CFAP58: variants seen among roughly 807,000 people sequenced by gnomAD.
The protein encoded by CFAP58 is cilia- and flagella-associated protein 58.
Under a neutral mutation model 119.5 loss-of-function variants are expected in CFAP58, and 88 were observed. The ratio of observed to expected loss-of-function variants is 0.74; its 90% CI spans 0.62 to 0.88. The LOEUF (loss-of-function observed/expected upper bound fraction) is 0.88, where lower values mean the gene tolerates loss of function less well. Ranked by LOEUF, CFAP58 falls within the 40% of genes least tolerant of loss-of-function variation. The pLI, the probability that CFAP58 is intolerant of heterozygous loss-of-function variation, is 0.00. For synonymous variants in CFAP58, 365 were observed against 366.3 expected, an observed-to-expected ratio of 1.00 and a Z score of 0.04; for missense variants, 990 against 1,021.2, an observed-to-expected ratio of 0.97 and a Z score of 0.42.
chr10:104,422,994 T>G lies in CFAP58; in HGVS notation c.2256+16201T>G, dbSNP rs560218225. Among the ~76,000 whole-genome samples the G allele has an allele frequency of 1.2e-3, 186 of 152,370 alleles. 2 individuals carry two copies. The highest frequency in any genetic ancestry group is 4.1e-3 in the African/African-American group (172 of 41,596). On this transcript the variant is annotated intron_variant, in intron 15 of 17. Coordinates refer to ENST00000369704, the MANE Select transcript of CFAP58 (RefSeq NM_001008723.2). ...AAGTTTTATTTTAATTGACACATAA[T>G]AATTGTACTAAGATTTCTTTTTTTA...
chr10:104,357,947 A>G (rs1297954621), intron 1 of CFAP58, among the ~76,000 whole-genome samples: 1 of 77,204 alleles, frequency 1.3e-5, no homozygotes, highest in Non-Finnish European at 2.7e-5. Context: ...ATATATGTAC[A>G]CATATATACA....
In CFAP58 at chr10:104,400,795, A is replaced by T; in HGVS notation, c.1931A>T (p.Gln644Leu). 2 of 1,614,170 alleles carry T rather than the reference A, an allele frequency of 1.2e-6. No individual in the cohort carries two copies. The highest frequency in any genetic ancestry group is 1.7e-6 in the Non-Finnish European group (2 of 1,179,994). Residue 644 changes from glutamine to leucine, a missense_variant, in exon 13 of 18, where the codon CAG (glutamine) becomes CTG (leucine). Physicochemically the swap from Gln to Leu is moderately radical, Grantham distance 113. Coordinates refer to ENST00000369704, the MANE Select transcript of CFAP58 (RefSeq NM_001008723.2). ...QQSVLNKGES[Q>L]YNQRLEDMRI... ...TCTGTGCTGAATAAAGGGGAGAGCC[A>T]GTACAACCAGAGGTTGGAGGACATG...
At chr10:104,433,439 G>C (rs557736014) in intron 15 of CFAP58, among the ~76,000 whole-genome samples, 4 of 152,218 alleles carry the variant, frequency 2.6e-5, no homozygotes, top group African/African-American at 9.6e-5. Flanking sequence ...GGGTCTTGAA[G>C]GATGGGAATT....
At chr10:104,343,595 GACA>G in the CFAP58 span, among the ~76,000 whole-genome samples, 9 of 84,756 alleles carry the variant, frequency 1.1e-4, no homozygotes, top group African/African-American at 3.7e-4. Flanking sequence ...ATAATTGAAA[GACA>G]GTTTCCTTAA....
intron 15 of CFAP58, among the ~76,000 whole-genome samples, chr10:104,410,596 C>T (rs1026418182): frequency 3.9e-5 from 6 of 152,308 alleles, no homozygotes; most frequent in Middle Eastern, 3.4e-3. Flanking sequence ...GTCTGCTGTA[C>T]GTCTAATTGT....
chr10:104,451,901 T>TC (rs1448553033), intron 17 of CFAP58, among the ~76,000 whole-genome samples: 1 of 151,844 alleles, frequency 6.6e-6, no homozygotes, highest in Non-Finnish European at 1.5e-5. Context: ...GCTAATTTTT[T>TC]TTTTTTTTTG....
At chr10:104,376,398 G>C (rs2011662781) in intron 7 of CFAP58, among the ~76,000 whole-genome samples, 1 of 150,926 alleles carries the variant, frequency 6.6e-6, no homozygotes. Context: ...CCAGCTGCTC[G>C]AGAGGTTGAG....
intron 6 of CFAP58, among the ~76,000 whole-genome samples, chr10:104,369,957 A>G (rs1205635512): frequency 1.3e-5 from 2 of 152,166 alleles, no homozygotes; most frequent in African/African-American, 4.8e-5. Context: ...CTTTGCTAGG[A>G]TTATTTTTGG....
chr10:104,437,311 C>A (rs995304960), intron 15 of CFAP58, among the ~76,000 whole-genome samples: 1 of 152,200 alleles, frequency 6.6e-6, no homozygotes, highest in African/African-American at 2.4e-5. Context: ...TAGTCCAATT[C>A]TCTCAAATGT....
chr10:104,413,053 G>A (rs1589927198), intron 15 of CFAP58, among the ~76,000 whole-genome samples: 1 of 152,162 alleles, frequency 6.6e-6, no homozygotes, highest in Admixed American at 6.5e-5. Context: ...TATAAGCTTC[G>A]CAAAGGAGTT....
chr10:104,382,706 G>GT (rs891474595), intron 9 of CFAP58, among the ~76,000 whole-genome samples: 7 of 152,144 alleles, frequency 4.6e-5, no homozygotes, highest in Non-Finnish European at 7.4e-5. Flanking sequence ...TGAACTGTTG[G>GT]TTTTATAAGT....
In CFAP58 at chr10:104,357,856, T is replaced by C. The variant is rs1054027385; in HGVS notation, c.10-485T>C. On this transcript the variant is annotated intron_variant, in intron 1 of 17. Transcript: ENST00000369704. ...ATATGTACACATATGTACACATATA[T>C]ACACATATATACACATATATGTACA... is the stretch of plus-strand genomic sequence containing the variant. 4.2e-4 allele frequency among the ~76,000 whole-genome samples: 29 copies of C among 68,356 alleles called. 2 individuals carry two copies. Among genetic ancestry groups the C allele is most frequent in the Non-Finnish European group, 5.3e-4 (15 of 28,174 alleles). 44.8% of individuals were successfully genotyped at this position (68,356 alleles called of 152,430 possible). A position where few individuals can be genotyped will look rare whatever the true frequency, so the allele number is the denominator to read the frequency against.
chr10:104,364,694 A>T (rs975716679), intron 3 of CFAP58, 39 bp from the exon 4 acceptor site: 5 of 1,602,400 alleles, frequency 3.1e-6, no homozygotes, highest in East Asian at 2.2e-5. Flanking sequence ...CCCTGAGCAG[A>T]TGGCCATTTA....
chr10:104,401,480 C>CATTA (rs2012263857), intron 13 of CFAP58, among the ~76,000 whole-genome samples: 3 of 152,224 alleles, frequency 2.0e-5, no homozygotes, highest in Admixed American at 2.0e-4. Context: ...TTAAATCTTG[C>CATTA]ATTACACAAG....
intron 15 of CFAP58, among the ~76,000 whole-genome samples, chr10:104,434,482 T>C (rs929834799): frequency 3.3e-5 from 5 of 152,166 alleles, no homozygotes. Flanking sequence ...ATGAGCCCTT[T>C]TGGGACCACA....
At chr10:104,357,484 G>A (rs1039054901) in intron 1 of CFAP58, among the ~76,000 whole-genome samples, 6 of 152,064 alleles carry the variant, frequency 3.9e-5, no homozygotes, top group Admixed American at 1.3e-4. Flanking sequence ...TCAACACACC[G>A]TGGCCACCCC....
intron 15 of CFAP58, among the ~76,000 whole-genome samples, chr10:104,408,906 C>A (rs766970846): frequency 6.6e-6 from 1 of 152,096 alleles, no homozygotes; most frequent in Admixed American, 6.5e-5. Flanking sequence ...TTGAGACCAG[C>A]CTAGATAACA....
intron 15 of CFAP58, among the ~76,000 whole-genome samples, chr10:104,426,234 T>C (rs545560804): frequency 3.9e-5 from 6 of 152,126 alleles, no homozygotes; most frequent in African/African-American, 1.2e-4. Context: ...GTGAGACCCA[T>C]CTGAAAAACA....
intron 8 of CFAP58, among the ~76,000 whole-genome samples, chr10:104,378,696 AG>A (rs1237726523): frequency 6.6e-6 from 1 of 152,138 alleles, no homozygotes; most frequent in African/African-American, 2.4e-5. Flanking sequence ...ATAGCTCCCA[AG>A]GTTATATCTT....
Sources: gnomAD v4.1 joint callset for allele counts (sites outside exome capture counted in the v4.1 genomes callset) on GRCh38, gnomAD v4.1.1 for gene constraint, MANE v1.5 for transcripts, NCBI Gene and HGNC (gene_info 2026-07-23, HGNC 2026-07-21) for gene names.